TMEM131L: variants seen among roughly 807,000 people sequenced by gnomAD.
TMEM131L encodes the protein transmembrane 131 like, also known as transmembrane protein 131-like.
In TMEM131L, 54 loss-of-function variants were observed where a neutral mutation model predicts 192.2. The observed-to-expected ratio is 0.28, with a 90% CI of 0.23 to 0.35. The LOEUF (loss-of-function observed/expected upper bound fraction) is 0.35. Among genes scored for constraint, TMEM131L ranks in the 10% least tolerant of loss-of-function variants. The pLI, the probability that TMEM131L is intolerant of heterozygous loss-of-function variation, is 1.00. For missense variants in TMEM131L, 1,888 were observed against 1,972.9 expected, an observed-to-expected ratio of 0.96 and a Z score of 0.82; for synonymous variants, 701 against 704.9, an observed-to-expected ratio of 0.99 and a Z score of 0.09.
chr4:153,508,665 A>G (rs1734145943), intron 3 of TMEM131L, among the ~76,000 whole-genome samples: 1 of 151,156 alleles, frequency 6.6e-6, no homozygotes, highest in Non-Finnish European at 1.5e-5. Flanking sequence ...ATGTGATTTA[A>G]TGTTTTTTTT....
chr4:153,612,649 A>G (rs536936553), intron 26 of TMEM131L, among the ~76,000 whole-genome samples: 115 of 152,280 alleles, frequency 7.6e-4, no homozygotes, highest in African/African-American at 2.7e-3. Context: ...GGTCATTCCT[A>G]GGTAATGATG....
intron 21 of TMEM131L, among the ~76,000 whole-genome samples, chr4:153,600,387 C>G (rs528773747): frequency 6.7e-6 from 1 of 149,814 alleles, no homozygotes; most frequent in African/African-American, 2.4e-5. Flanking sequence ...AAAAAAACAT[C>G]AAAAATAAAA....
intron 28 of TMEM131L, 31 bp downstream of exon 28, chr4:153,621,880 C>A: frequency 6.2e-7 from 1 of 1,604,394 alleles, no homozygotes; most frequent in Non-Finnish European, 8.5e-7. Context: ...ACAAATGGTG[C>A]TTCTGTGGGA....
rs187304197 is a variant in TMEM131L at position 153,573,126 on chromosome 4, T to G, written c.661-7700T>G. Among the ~76,000 whole-genome samples the G allele has an allele frequency of 5.5e-3, 839 of 152,368 alleles. 4 individuals carry two copies. Among genetic ancestry groups the G allele is most frequent in the African/African-American group, 0.018 (754 of 41,592 alleles). ...CACCTTGTGGCATTTATGAGTAGTC[T>G]TGCCATGAAGATGGGTGTATAAGTA... On this transcript the variant is annotated intron_variant, in intron 7 of 34. Coordinates refer to ENST00000409959, the MANE Select transcript of TMEM131L (RefSeq NM_001131007.2).
chr4:153,575,466 T>A (rs1578779353), intron 7 of TMEM131L, among the ~76,000 whole-genome samples: 1 of 152,190 alleles, frequency 6.6e-6, no homozygotes, highest in South Asian at 2.1e-4. Flanking sequence ...GAGAAACAGA[T>A]TTGATCTATT....
chr4:153,636,500 A>G lies in TMEM131L; in HGVS notation c.4757A>G (p.Asp1586Gly). 1 of 1,614,188 alleles carries G rather than the reference A, an allele frequency of 6.2e-7. No individual in the cohort carries two copies. The highest frequency in any genetic ancestry group is 1.1e-5 in the South Asian group (1 of 91,090). Residue 1586 changes from aspartate (D) to glycine (G), a missense_variant, in exon 35 of 35, where the codon GAC becomes GGC. Asp to Gly is a moderately conservative substitution (Grantham distance 94). Coordinates refer to ENST00000409959, the MANE Select transcript of TMEM131L (RefSeq NM_001131007.2). ...CCGTTTCGCGCCTATATGAACCTGGACATATGGACTACCACAGCGAATAGG... is the reference window on the plus strand; with the variant it reads ...CCGTTTCGCGCCTATATGAACCTGGGCATATGGACTACCACAGCGAATAGG... ...FNPFRAYMNLDIWTTTANRNA... is the reference protein window; with the variant it reads ...FNPFRAYMNLGIWTTTANRNA...
rs977322923 is a variant in TMEM131L at position 153,580,958 on chromosome 4, A to G, written c.738+55A>G. The G allele has an allele frequency of 3.9e-6, 5 of 1,273,908 alleles. No individual in the cohort carries two copies. The Admixed American group carries it at 6.9e-5, about 18-fold the overall frequency. 78.9% of individuals were successfully genotyped at this position (1,273,908 alleles called of 1,614,324 possible). A position where few individuals can be genotyped will look rare whatever the true frequency, so the allele number is the denominator to read the frequency against. ...TGCTTTCCTCCTGCCTCTTTGCTTA[A>G]AAATAAAACACAAGGCTGGGCGCTG... On this transcript the variant is annotated intron_variant, in intron 8 of 34. Coordinates refer to ENST00000409959, the MANE Select transcript of TMEM131L (RefSeq NM_001131007.2).
chr4:153,598,759 C>A, intron 21 of TMEM131L, 27 bp downstream of exon 21: 2 of 1,517,474 alleles, frequency 1.3e-6, no homozygotes, highest in South Asian at 1.3e-5. Context: ...GGCACTCTGA[C>A]AGGGGAGGTT....
intron 9 of TMEM131L, among the ~76,000 whole-genome samples, chr4:153,582,420 GTTTTTTTTTGTTGTTTTTTTTTTT>G (rs1411988771): frequency 2.4e-5 from 2 of 81,844 alleles, no homozygotes; most frequent in African/African-American, 1.1e-4. Context: ...AATTTAAACC[GTTTTTTTTTGTTGTTTTTTTTTTT>G]TTTTTTTTTT....
chr4:153,477,596 A>C (rs1031950974), intron 3 of TMEM131L, among the ~76,000 whole-genome samples: 3 of 151,838 alleles, frequency 2.0e-5, no homozygotes, highest in African/African-American at 7.2e-5. Context: ...ACGATGACTT[A>C]TATAAAAAAA....
intron 29 of TMEM131L, among the ~76,000 whole-genome samples, chr4:153,624,055 A>G (rs1578891318): frequency 6.6e-6 from 1 of 151,916 alleles, no homozygotes; most frequent in African/African-American, 2.4e-5. Flanking sequence ...ACTTACATAA[A>G]TGAAATCATA....
In TMEM131L at chr4:153,636,307, C is replaced by T; in HGVS notation, c.4564C>T (p.Leu1522Phe). The T allele has an allele frequency of 6.2e-7, 1 of 1,612,756 alleles. No homozygotes were observed. Among genetic ancestry groups the T allele is most frequent in the Non-Finnish European group, 8.5e-7 (1 of 1,179,038 alleles). Residue 1522 changes from leucine (L) to phenylalanine (F), a missense_variant, in exon 35 of 35, where the codon CTC (leucine) becomes TTC (phenylalanine). Physicochemically the swap from Leu to Phe is conservative, Grantham distance 22. Transcript: ENST00000409959. ...TTCCTCATTTATACTTCAGCCCTAC[C>T]TCACAAGCACCCGAAGCTTGTCTCC... Reference protein sequence around the residue: ...HASFISSPPYLTSTRSLSPMS... With the variant: ...HASFISSPPYFTSTRSLSPMS...
chr4:153,469,706 C>T (rs1202508154), intron 2 of TMEM131L, among the ~76,000 whole-genome samples: 1 of 152,146 alleles, frequency 6.6e-6, no homozygotes, highest in Non-Finnish European at 1.5e-5. Context: ...AGGGGTGGAT[C>T]ACCTGAGGTC....
chr4:153,473,298 C>T (rs576329881), intron 2 of TMEM131L, among the ~76,000 whole-genome samples: 2 of 152,134 alleles, frequency 1.3e-5, no homozygotes, highest in Non-Finnish European at 2.9e-5. Flanking sequence ...GCACAGAGTG[C>T]GATGGTGCAC....
chr4:153,605,848 G>C (rs1271347774), intron 25 of TMEM131L, among the ~76,000 whole-genome samples: 1 of 152,178 alleles, frequency 6.6e-6, no homozygotes, highest in Non-Finnish European at 1.5e-5. Flanking sequence ...TAAATGTTCT[G>C]TATAAGGACA....
intron 7 of TMEM131L, among the ~76,000 whole-genome samples, chr4:153,577,124 G>A (rs1250286807): frequency 1.3e-5 from 2 of 152,072 alleles, no homozygotes; most frequent in Admixed American, 6.6e-5. Context: ...GTGGGTTGGA[G>A]GAGTGGGTGC....
intron 3 of TMEM131L, among the ~76,000 whole-genome samples, chr4:153,491,401 G>A (rs901968130): frequency 2.0e-5 from 3 of 151,886 alleles, no homozygotes; most frequent in Non-Finnish European, 1.5e-5. Flanking sequence ...TTAGGTAGAC[G>A]GTAATTAGAG....
At chr4:153,483,709 A>T (rs571198242) in intron 3 of TMEM131L, among the ~76,000 whole-genome samples, 2 of 152,302 alleles carry the variant, frequency 1.3e-5, no homozygotes, top group East Asian at 3.9e-4. Context: ...AAAAAAGGCT[A>T]TGAGAAGCTT....
chr4:153,604,500 C>T, intron 25 of TMEM131L, 70 bp downstream of exon 25: 4 of 1,398,466 alleles, frequency 2.9e-6, no homozygotes, highest in Non-Finnish European at 3.9e-6. Context: ...GAATTGTTCT[C>T]ACCTGTGACC....
Sources: allele counts gnomAD v4.1 joint callset (sites outside exome capture counted in the v4.1 genomes callset), GRCh38; gene constraint gnomAD v4.1.1; transcripts MANE v1.5; gene names NCBI Gene and HGNC (gene_info 2026-07-23, HGNC 2026-07-21).